Variants in FRMD4B observed in about 807,000 individuals in gnomAD.
FRMD4B encodes FERM domain-containing protein 4B.
In FRMD4B, 74 loss-of-function variants were observed where a neutral mutation model predicts 141.5. That is an observed-to-expected ratio of 0.52 (90% CI 0.43 to 0.63). The LOEUF (loss-of-function observed/expected upper bound fraction) is 0.63. Among genes scored for constraint, FRMD4B ranks in the 30% least tolerant of loss-of-function variants. The probability of loss-of-function intolerance (pLI) is 0.00; values close to 1 mark genes in which losing one functional copy is unlikely to be tolerated. For missense variants in FRMD4B, 1,366 were observed against 1,253.4 expected, an observed-to-expected ratio of 1.09 and a Z score of -1.36; for synonymous variants, 506 against 467.9, an observed-to-expected ratio of 1.08 and a Z score of -1.05.
At chr3:69,415,750 T>G (rs1704847323) in intron 2 of FRMD4B, among the ~76,000 whole-genome samples, 1 of 152,234 alleles carries the variant, frequency 6.6e-6, no homozygotes, top group African/African-American at 2.4e-5. Context: ...TTTTGATCTT[T>G]TCCATGGGGC....
chr3:69,405,246 T>C (rs1047681800), intron 2 of FRMD4B, among the ~76,000 whole-genome samples: 6 of 152,234 alleles, frequency 3.9e-5, no homozygotes, highest in African/African-American at 1.4e-4. Flanking sequence ...CTGTTGAGTG[T>C]GCTATCACAA....
In FRMD4B at chr3:69,410,706, T is replaced by TATAAATAA. The variant is rs1219342263; in HGVS notation, c.-1+21920_-1+21927dup. On this transcript the variant is annotated intron_variant, in intron 2 of 5. Coordinates refer to the FRMD4B transcript ENST00000459638. Reference sequence around the variant, plus strand: ...ATGGAACAAGGGAAAAAAAGAAATATATAAATAAATAAATAAATAAATATA... The same window carrying TATAAATAA: ...ATGGAACAAGGGAAAAAAAGAAATATATAAATAAATAAATAAATAAATAAATAAATATA... 1.9e-3 allele frequency among the ~76,000 whole-genome samples: 213 copies of TATAAATAA among 114,388 alleles called. 1 individual carries two copies. The highest frequency in any genetic ancestry group is 6.1e-3 in the African/African-American group (178 of 29,282). 75.0% of individuals were successfully genotyped at this position (114,388 alleles called of 152,430 possible). A position where few individuals can be genotyped will look rare whatever the true frequency, so the allele number is the denominator to read the frequency against.
rs181808592 is a variant in FRMD4B at position 69,487,895 on chromosome 3, C to A, written c.-129+54311G>T. Among the ~76,000 whole-genome samples, 103 of 152,142 alleles carry A rather than the reference C, an allele frequency of 6.8e-4. 1 individual carries two copies. The highest frequency in any genetic ancestry group is 2.2e-3 in the African/African-American group (91 of 41,498). On this transcript the variant is annotated intron_variant, in intron 1 of 5. Coordinates refer to the FRMD4B transcript ENST00000459638. ...CCTTGCTAAATTGAGAAATCACTAC[C>A]CTTGAATTTGTGATTGATCTCAAAT... is the stretch of plus-strand genomic sequence containing the variant.
Position 69,283,133 on chromosome 3 carries a change from C to G in FRMD4B, c.501+4619G>C, listed in dbSNP as rs137963494. Among the ~76,000 whole-genome samples the G allele has an allele frequency of 3.2e-3, 483 of 152,006 alleles. 2 individuals carry two copies. Among genetic ancestry groups the G allele is most frequent in the African/African-American group, 0.011 (468 of 41,476 alleles). On this transcript the variant is annotated intron_variant, in intron 5 of 22. Transcript: ENST00000398540. ...GCGCTGTGGCTCACACCTGTAATCC[C>G]AGCACTTTGGGAGGCCGAGGTGGGT...
At chr3:69,318,179 T>C (rs963476518) in intron 1 of FRMD4B, among the ~76,000 whole-genome samples, 1 of 152,024 alleles carries the variant, frequency 6.6e-6, no homozygotes, top group African/African-American at 2.4e-5. Flanking sequence ...CTTACTATCT[T>C]GCGTATGCTG....
chr3:69,318,143 T>C lies in FRMD4B; in HGVS notation c.163-4626A>G, dbSNP rs372517086. Among the ~76,000 whole-genome samples the C allele has an allele frequency of 1.5e-3, 229 of 152,208 alleles. 2 individuals are homozygous for C. Among genetic ancestry groups the C allele is most frequent in the African/African-American group, 5.2e-3 (218 of 41,530 alleles). ...CATGCCATCATGCCTGGCTAATTTT[T>C]ATATATTTTTTTGCAGAGACAGGAT... On this transcript the variant is annotated intron_variant, in intron 1 of 22. Coordinates refer to ENST00000398540, the MANE Select transcript of FRMD4B (RefSeq NM_015123.3).
intron 3 of FRMD4B, among the ~76,000 whole-genome samples, chr3:69,303,600 C>A (rs1701291811): frequency 6.6e-6 from 1 of 152,028 alleles, no homozygotes; most frequent in Admixed American, 6.6e-5. Context: ...TTTAGATAAT[C>A]AAGAAGGAGA....
intron 1 of FRMD4B, among the ~76,000 whole-genome samples, chr3:69,474,907 C>G (rs1267369946): frequency 6.6e-6 from 1 of 152,138 alleles, no homozygotes; most frequent in Non-Finnish European, 1.5e-5. Context: ...AGCCTATAGA[C>G]AGAGCAATTC....
intron 6 of FRMD4B, 142 bp downstream of exon 6, chr3:69,249,901 C>G (rs1477855156): frequency 1.5e-6 from 1 of 664,968 alleles, no homozygotes; most frequent in Non-Finnish European, 2.7e-6. Context: ...AAGACGGTGG[C>G]GCACATTTTT....
At chr3:69,309,607 A>ATT (rs34067186) in intron 3 of FRMD4B, among the ~76,000 whole-genome samples, 1,764 of 109,044 alleles carry the variant, frequency 0.016, 56 homozygotes, top group African/African-American at 0.044. Flanking sequence ...TACCTGGCTG[A>ATT]TTTTTTTTTT....
chr3:69,535,368 T>C (rs540093987), intron 1 of FRMD4B, among the ~76,000 whole-genome samples: 1 of 152,186 alleles, frequency 6.6e-6, no homozygotes, highest in African/African-American at 2.4e-5. Flanking sequence ...CCCCACCTCA[T>C]AGGGTGCGGT....
Position 69,171,785 on chromosome 3 carries a change from T to C in FRMD4B, c.*76A>G. 1 of 1,466,094 alleles carries C rather than the reference T, an allele frequency of 6.8e-7. No individual in the cohort carries two copies. Among genetic ancestry groups the C allele is most frequent in the Non-Finnish European group, 9.4e-7 (1 of 1,058,832 alleles). The allele number at this position is 1,466,094 out of a possible 1,614,324, so 90.8% of individuals were successfully genotyped here. On this transcript the variant is annotated 3_prime_UTR_variant, in exon 23 of 23. Transcript: ENST00000398540. ...CTTTAGGTTTCTAAAACGAACATCC[T>C]CTCGGAAGACAAATACAATTTGCAA...
chr3:69,291,970 T>C (rs1035344486), intron 4 of FRMD4B, among the ~76,000 whole-genome samples: 1 of 145,952 alleles, frequency 6.9e-6, no homozygotes, highest in East Asian at 2.0e-4. Flanking sequence ...AGGCAACAAA[T>C]TATGAGCCCA....
rs780022437 is a variant in FRMD4B at position 69,218,317 on chromosome 3, C to G, written c.789+5G>C. ...ACGAAAGCTTTGTCATGTAAAATTACTTACCTTTACTGCATAATAATGGAC... is the reference window on the plus strand; with the variant it reads ...ACGAAAGCTTTGTCATGTAAAATTAGTTACCTTTACTGCATAATAATGGAC... On this transcript the variant is annotated splice_donor_5th_base_variant and intron_variant, in intron 10 of 22. Coordinates refer to ENST00000398540, the MANE Select transcript of FRMD4B (RefSeq NM_015123.3). 2.8e-6 allele frequency: 4 copies of G among 1,437,958 alleles called. No homozygotes were observed. Among genetic ancestry groups the G allele is most frequent in the Non-Finnish European group, 3.9e-6 (4 of 1,027,718 alleles). The allele number at this position is 1,437,958 out of a possible 1,614,324, so 89.1% of individuals were successfully genotyped here.
At chr3:69,518,804 G>A (rs1454157742) in intron 1 of FRMD4B, among the ~76,000 whole-genome samples, 1 of 152,184 alleles carries the variant, frequency 6.6e-6, no homozygotes, top group Admixed American at 6.6e-5. Context: ...GACTAGCAGG[G>A]AAACAAGACC....
At chr3:69,297,236 G>C (rs1469949769) in intron 4 of FRMD4B, among the ~76,000 whole-genome samples, 1 of 152,184 alleles carries the variant, frequency 6.6e-6, no homozygotes, top group Non-Finnish European at 1.5e-5. Flanking sequence ...ACCAGGCCAG[G>C]AGCGATGAGA....
chr3:69,181,145 G>C lies in FRMD4B; in HGVS notation c.2605C>G (p.Pro869Ala). The change falls in exon 21 of 23, where the codon CCA (proline) becomes GCA (alanine). Residue 869 changes from proline to alanine, a missense_variant. Coordinates refer to ENST00000398540, the MANE Select transcript of FRMD4B (RefSeq NM_015123.3). ...EDEVDRVPHN[P>A]YATLRLPRKA... ...CTTGGCAGCCGGAGAGTTGCATATG[G>C]GTTATGGGGTACCCGGTCGACCTCA... 1 of 1,613,964 alleles carries C rather than the reference G, an allele frequency of 6.2e-7. No individual in the cohort carries two copies. Among genetic ancestry groups the C allele is most frequent in the Non-Finnish European group, 8.5e-7 (1 of 1,179,880 alleles).
At position 69,200,340 on chromosome 3, in the gene FRMD4B, G is replaced by C. The variant is rs1348756694; in HGVS notation, c.877-1566C>G. On this transcript the variant is annotated intron_variant, in intron 11 of 22. Transcript: ENST00000398540. ...ACTATAACACTCACTCAGGTTCACA[G>C]AAGAATTAATAAAAGTATAAAGTTA... 3.8e-6 allele frequency: 3 copies of C among 783,670 alleles called. No homozygotes were observed. The East Asian group carries it at 3.7e-4, about 97-fold the overall frequency. 48.5% of individuals were successfully genotyped at this position (783,670 alleles called of 1,614,324 possible). A position where few individuals can be genotyped will look rare whatever the true frequency, so the allele number is the denominator to read the frequency against.
chr3:69,520,104 G>A, intron 1 of FRMD4B, among the ~76,000 whole-genome samples: 2 of 114,930 alleles, frequency 1.7e-5, no homozygotes, highest in African/African-American at 3.5e-5. Context: ...TATATAAAAT[G>A]GACTATATAT....
Sources: allele counts gnomAD v4.1 joint callset (sites outside exome capture counted in the v4.1 genomes callset), GRCh38; gene constraint gnomAD v4.1.1; transcripts MANE v1.5; gene names NCBI Gene and HGNC (gene_info 2026-07-23, HGNC 2026-07-21).